Variants in SECISBP2 observed in about 807,000 individuals in gnomAD.
SECISBP2 encodes the protein SECIS binding protein 2.
Under a neutral mutation model 98.2 loss-of-function variants are expected in SECISBP2, and 96 were observed. That is an observed-to-expected ratio of 0.98 (90% CI 0.83 to 1.16). The LOEUF (loss-of-function observed/expected upper bound fraction) is 1.16, where lower values mean the gene tolerates loss of function less well. SECISBP2 is among the 50% of genes most tolerant of loss of function. SECISBP2 has a pLI of 0.00. For missense variants in SECISBP2, 1,046 were observed against 1,022.9 expected, an observed-to-expected ratio of 1.02 and a Z score of -0.31; for synonymous variants, 407 against 370.2, an observed-to-expected ratio of 1.10 and a Z score of -1.14.
downstream of SECISBP2, among the ~76,000 whole-genome samples, chr9:89,363,270 C>CA (rs200671239): frequency 0.015 from 2,267 of 152,276 alleles, 26 homozygotes; most frequent in Non-Finnish European, 0.024. Flanking sequence ...TGGGATTTCC[C>CA]CCCCCAGTGT....
chr9:89,348,894 G>A (rs964850043), intron 12 of SECISBP2, among the ~76,000 whole-genome samples: 12 of 152,252 alleles, frequency 7.9e-5, no homozygotes, highest in Non-Finnish European at 1.2e-4. Context: ...TCGGTTGGAC[G>A]AATGTACAGG....
chr9:89,319,638 A>T lies in SECISBP2; in HGVS notation c.37-14A>T. On this transcript the variant is annotated splice_polypyrimidine_tract_variant and intron_variant, in intron 1 of 16. Coordinates refer to ENST00000375807, the MANE Select transcript of SECISBP2 (RefSeq NM_024077.5). ...TCTGAATGTTTGTGGCCAAAACCTC[A>T]TATTTTTCCTCAGGGCATCAAGTTA... 1.9e-6 allele frequency: 3 copies of T among 1,614,068 alleles called. No homozygotes were observed. The highest frequency in any genetic ancestry group is 2.5e-6 in the Non-Finnish European group (3 of 1,179,972).
chr9:89,326,863 G>A (rs1273693148), intron 4 of SECISBP2, among the ~76,000 whole-genome samples: 1 of 152,174 alleles, frequency 6.6e-6, no homozygotes, highest in Non-Finnish European at 1.5e-5. Context: ...GTAAGTATTT[G>A]TGTATCAAAA....
chr9:89,325,222 G>A, intron 2 of SECISBP2: 1 of 585,602 alleles, frequency 1.7e-6, no homozygotes, highest in Non-Finnish European at 3.0e-6. Context: ...CAGCTCATTA[G>A]TGAAAAAATA....
intron 12 of SECISBP2, among the ~76,000 whole-genome samples, chr9:89,349,300 C>T (rs1308384477): frequency 1.3e-5 from 2 of 152,174 alleles, no homozygotes; most frequent in Non-Finnish European, 2.9e-5. Flanking sequence ...AAACTAAACA[C>T]ACCTCTTGAG....
At chr9:89,318,813 C>G in intron 1 of SECISBP2, 1 of 1,270,430 alleles carries the variant, frequency 7.9e-7, no homozygotes, top group Non-Finnish European at 1.0e-6. Context: ...GGCTACAGAC[C>G]CCGCCCACAG....
intron 14 of SECISBP2, among the ~76,000 whole-genome samples, chr9:89,352,245 GCATTC>G (rs1831390052): frequency 6.6e-6 from 1 of 152,148 alleles, no homozygotes; most frequent in African/African-American, 2.4e-5. Context: ...GTTACACCAG[GCATTC>G]TGCAGTTTCA....
At chr9:89,339,981 G>A (rs764379005) in intron 9 of SECISBP2, 28 bp downstream of exon 9, 1 of 1,503,864 alleles carries the variant, frequency 6.6e-7, no homozygotes, top group Admixed American at 1.7e-5. Flanking sequence ...ACCACAAATT[G>A]CTTTAGGCTT....
intron 10 of SECISBP2, among the ~76,000 whole-genome samples, chr9:89,342,738 A>G (rs1190588330): frequency 1.3e-5 from 2 of 152,214 alleles, no homozygotes. Context: ...AAAAGCATAG[A>G]TTAGAGGATA....
chr9:89,350,383 G>A (rs1831103262), intron 13 of SECISBP2, among the ~76,000 whole-genome samples: 10 of 152,216 alleles, frequency 6.6e-5, no homozygotes. Context: ...GGGGACCTGT[G>A]GCAAACTATG....
chr9:89,343,650 G>A (rs117289744), intron 10 of SECISBP2, among the ~76,000 whole-genome samples: 2,939 of 152,266 alleles, frequency 0.019, 39 homozygotes, highest in Non-Finnish European at 0.03. Context: ...CTCCATCCAC[G>A]TTCCTACAAA....
In SECISBP2 at chr9:89,358,157, C is replaced by T. The variant is rs1338160667; in HGVS notation, c.2427C>T (p.Pro809=). 10 of 1,613,674 alleles carry T rather than the reference C, an allele frequency of 6.2e-6. No homozygotes were observed. The highest frequency in any genetic ancestry group is 1.1e-5 in the South Asian group (1 of 90,982). ...QGPSCPAEDG[P]PALKEKEEPH... ...CCAGCTGCCCTGCAGAAGATGGCCC[C>T]CCAGCCCTGAAAGAAAAAGAAGAGC... is the stretch of plus-strand genomic sequence containing the variant. The change falls in exon 16 of 17, where the codon CCC becomes CCT. Residue 809 remains proline (P), a synonymous_variant. Coordinates refer to ENST00000375807, the MANE Select transcript of SECISBP2 (RefSeq NM_024077.5).
intron 2 of SECISBP2, among the ~76,000 whole-genome samples, chr9:89,320,016 T>C (rs1485347847): frequency 1.3e-5 from 2 of 152,170 alleles, no homozygotes; most frequent in African/African-American, 2.4e-5. Flanking sequence ...CTCATTGTTA[T>C]TTTCGGCAAA....
intron 5 of SECISBP2, chr9:89,332,514 T>G (rs1428579621): frequency 1.5e-5 from 4 of 268,070 alleles, no homozygotes; most frequent in African/African-American, 9.1e-5. Context: ...TACTATCTTT[T>G]TATTGTCTCC....
chr9:89,357,015 G>C (rs1832192296), intron 14 of SECISBP2: 1 of 331,462 alleles, frequency 3.0e-6, no homozygotes, highest in South Asian at 2.4e-5. Flanking sequence ...GCCCTCGGGA[G>C]CCAGACCTGT....
chr9:89,339,150 T>C (rs1054981764), intron 8 of SECISBP2, among the ~76,000 whole-genome samples: 2 of 152,248 alleles, frequency 1.3e-5, no homozygotes, highest in Admixed American at 1.3e-4. Flanking sequence ...TTTACATTGC[T>C]GTACCAGAGC....
At chr9:89,326,179 G>A in intron 4 of SECISBP2, 141 bp downstream of exon 4, 17 of 996,002 alleles carry the variant, frequency 1.7e-5, no homozygotes, top group Non-Finnish European at 2.4e-5. Flanking sequence ...ACACAGCTTA[G>A]GGCGTCAGAC....
rs1466918579 is a variant in SECISBP2 at position 89,338,780 on chromosome 9, G to A, written c.1212+200G>A. Among the ~76,000 whole-genome samples the A allele has an allele frequency of 3.3e-5, 5 of 152,206 alleles. 1 individual carries two copies. The East Asian group carries it at 9.6e-4, about 29-fold the overall frequency. ...AGTTGTCTCAGAGCAGCCACTCAGT[G>A]AACATCCAAATGAATGAATGGTCTG... On this transcript the variant is annotated intron_variant, in intron 8 of 16. Transcript: ENST00000375807.
chr9:89,339,793 A>G (rs1829375893), intron 8 of SECISBP2, 71 bp from the exon 9 acceptor site: 9 of 1,066,592 alleles, frequency 8.4e-6, no homozygotes, highest in East Asian at 2.4e-5. Context: ...ATGAAAATAT[A>G]AGCAAGGAAA....
Sources: gnomAD v4.1 joint callset for allele counts (sites outside exome capture counted in the v4.1 genomes callset) on GRCh38, gnomAD v4.1.1 for gene constraint, MANE v1.5 for transcripts, NCBI Gene and HGNC (gene_info 2026-07-23, HGNC 2026-07-21) for gene names.